Variants in CDH19 observed in about 807,000 individuals in gnomAD.
The protein encoded by CDH19 is cadherin 19.
A neutral mutation model predicts 64.2 loss-of-function variants in CDH19; 67 were observed. The ratio of observed to expected loss-of-function variants is 1.04; its 90% confidence interval spans 0.86 to 1.28. CDH19 has a LOEUF of 1.28. Ranked by LOEUF, CDH19 falls within the 50% of genes most tolerant of loss-of-function variation. The pLI is 0.00. For synonymous variants in CDH19, 346 were observed against 319.3 expected (o/e 1.08, Z -0.89); for missense variants, 1,030 against 929.0 (o/e 1.11, Z -1.41).
chr18:66,595,193 G>A (rs1988852430), intron 1 of CDH19, among the ~76,000 whole-genome samples: 1 of 151,660 alleles, frequency 6.6e-6, no homozygotes, highest in African/African-American at 2.4e-5. Flanking sequence ...CACTGCTAAA[G>A]CAGTGTTAAG....
intron 5 of CDH19, among the ~76,000 whole-genome samples, chr18:66,545,872 A>G (rs1987096354): frequency 6.6e-6 from 1 of 152,156 alleles, no homozygotes. Flanking sequence ...GTCAAAGATG[A>G]CCTAATTGAT....
intron 1 of CDH19, among the ~76,000 whole-genome samples, chr18:66,575,030 T>G (rs1429561901): frequency 1.3e-5 from 2 of 151,744 alleles, no homozygotes; most frequent in East Asian, 3.9e-4. Flanking sequence ...GTAAAAAAAT[T>G]AAGAGGTAAG....
chr18:66,573,832 C>A (rs568442914), intron 1 of CDH19, among the ~76,000 whole-genome samples: 2 of 151,308 alleles, frequency 1.3e-5, no homozygotes, highest in East Asian at 3.9e-4. Context: ...GTCATTTCTA[C>A]ACGTGCTCAC....
chr18:66,586,936 A>T (rs1490113478), intron 1 of CDH19, among the ~76,000 whole-genome samples: 2 of 152,076 alleles, frequency 1.3e-5, no homozygotes, highest in African/African-American at 2.4e-5. Flanking sequence ...TCTTATATTA[A>T]CATTTTAATT....
intron 4 of CDH19, among the ~76,000 whole-genome samples, 193 bp downstream of exon 4, chr18:66,554,212 T>C (rs1034606877): frequency 2.0e-5 from 3 of 152,138 alleles, no homozygotes; most frequent in Middle Eastern, 3.4e-3. Context: ...ATTTGTGCTA[T>C]GGACATGAAA....
chr18:66,594,560 TCA>T (rs1464037981), intron 1 of CDH19, among the ~76,000 whole-genome samples: 3 of 151,828 alleles, frequency 2.0e-5, no homozygotes, highest in Admixed American at 6.6e-5. Context: ...GTCATACGAA[TCA>T]CAGTCTTGGA....
At chr18:66,581,722 C>T (rs1417869237) in intron 1 of CDH19, among the ~76,000 whole-genome samples, 1 of 152,018 alleles carries the variant, frequency 6.6e-6, no homozygotes, top group Non-Finnish European at 1.5e-5. Context: ...CTGTTGGCCT[C>T]CCCGCTTTTG....
chr18:66,547,487 G>A (rs1987160181), intron 5 of CDH19, among the ~76,000 whole-genome samples: 1 of 152,052 alleles, frequency 6.6e-6, no homozygotes, highest in South Asian at 2.1e-4. Flanking sequence ...ATCTGAGTGG[G>A]ATCACTAATT....
chr18:66,572,631 C>T (rs1261805874), intron 1 of CDH19, among the ~76,000 whole-genome samples: 1 of 151,684 alleles, frequency 6.6e-6, no homozygotes, highest in African/African-American at 2.4e-5. Context: ...ATTTGACTTG[C>T]TTACTTTCTC....
intron 9 of CDH19, among the ~76,000 whole-genome samples, chr18:66,523,922 TG>T (rs142468462): frequency 0.036 from 2,831 of 79,048 alleles, 45 homozygotes; most frequent in African/African-American, 0.12. Context: ...GCGGGGGGGT[TG>T]GGGGGCGTAA....
intron 7 of CDH19, among the ~76,000 whole-genome samples, chr18:66,535,401 C>T (rs576250): frequency 0.25 from 38,268 of 150,994 alleles, 6,734 homozygotes; most frequent in African/African-American, 0.49. Context: ...TCAGCCTAGA[C>T]GAGTATTGAT....
At chr18:66,592,840 T>C (rs1284983932) in intron 1 of CDH19, among the ~76,000 whole-genome samples, 2 of 151,876 alleles carry the variant, frequency 1.3e-5, no homozygotes, top group African/African-American at 2.4e-5. Flanking sequence ...TTGCAATACA[T>C]ATATTGCAAT....
chr18:66,510,637 C>T (rs868843089), intron 10 of CDH19, among the ~76,000 whole-genome samples: 1 of 147,158 alleles, frequency 6.8e-6, no homozygotes, highest in Non-Finnish European at 1.5e-5. Flanking sequence ...ATACATGTAC[C>T]CCCTGAATCT....
intron 9 of CDH19, among the ~76,000 whole-genome samples, chr18:66,526,609 A>C (rs1568178890): frequency 6.6e-6 from 1 of 152,144 alleles, no homozygotes. Context: ...TCTAGGATAC[A>C]TTATGGAACT....
rs1324719612 is a variant in CDH19 at position 66,572,010 on chromosome 18, C to G, written c.195G>C (p.Gln65His). 8.1e-6 allele frequency: 13 copies of G among 1,602,420 alleles called. No homozygotes were observed. In the Admixed American group the frequency reaches 2.2e-4, roughly 27 times the overall value. Residue 65 changes from glutamine (Q) to histidine (H), a missense_variant and splice_region_variant, in exon 2 of 12, where the codon CAG (glutamine) becomes CAC (histidine). Gln to His is a conservative substitution (Grantham distance 24, BLOSUM62 0). Transcript: ENST00000262150. ...EMNTTSHHIG[Q>H]LRSDLDNGNN... is the part of the protein sequence containing the mutation. Reference sequence around the variant, plus strand: ...TGTAACATTTTAAATAAATAAGTACCTGGCCGATGTGATGACTAGTCGTAT... The same window carrying G: ...TGTAACATTTTAAATAAATAAGTACGTGGCCGATGTGATGACTAGTCGTAT...
intron 1 of CDH19, among the ~76,000 whole-genome samples, chr18:66,583,303 G>A (rs997518234): frequency 4.6e-5 from 7 of 152,024 alleles, no homozygotes; most frequent in East Asian, 3.9e-4. Context: ...TATAGGGTTC[G>A]TGTGAGAAAA....
intron 1 of CDH19, among the ~76,000 whole-genome samples, chr18:66,599,203 G>T (rs1283285974): frequency 1.3e-5 from 2 of 151,948 alleles, no homozygotes; most frequent in African/African-American, 4.8e-5. Context: ...GATGGACTAG[G>T]TTAGCACAAT....
At chr18:66,508,030 G>A (rs1943322) in intron 11 of CDH19, among the ~76,000 whole-genome samples, 48,468 of 151,692 alleles carry the variant, frequency 0.32, 9,371 homozygotes, top group African/African-American at 0.54. Context: ...TAAGGAAAAT[G>A]TGGTATACAG....
intron 9 of CDH19, among the ~76,000 whole-genome samples, chr18:66,518,245 A>G (rs1985823513): frequency 6.6e-6 from 1 of 151,698 alleles, no homozygotes; most frequent in African/African-American, 2.4e-5. Flanking sequence ...TTATTTATTT[A>G]TTTTTGAGAT....
Sources: allele counts gnomAD v4.1 joint callset (sites outside exome capture counted in the v4.1 genomes callset), GRCh38; gene constraint gnomAD v4.1.1; transcripts MANE v1.5; gene names NCBI Gene and HGNC (gene_info 2026-07-23, HGNC 2026-07-21).